FBRSL1: variants seen among roughly 807,000 people sequenced by gnomAD.
The protein encoded by FBRSL1 is fibrosin-1-like protein.
Under a neutral mutation model 89.6 loss-of-function variants are expected in FBRSL1, and 51 were observed. That is an observed-to-expected ratio of 0.57 (90% CI 0.45 to 0.72). FBRSL1 has a LOEUF of 0.72. FBRSL1 is among the 30% of genes least tolerant of loss of function. The probability of loss-of-function intolerance (pLI) is 0.00; values close to 1 mark genes in which losing one functional copy is unlikely to be tolerated. For synonymous variants in FBRSL1, 779 were observed against 681.1 expected (o/e 1.14, Z -2.24); for missense variants, 1,618 against 1,451.8 (o/e 1.11, Z -1.86).
chr12:132,583,643 C>T lies in FBRSL1; in HGVS notation c.2874C>T (p.Pro958=), dbSNP rs936589449. 1.1e-4 allele frequency: 111 copies of T among 1,014,918 alleles called. No individual in the cohort carries two copies. The South Asian group carries it at 3.3e-3, about 30-fold the overall frequency. The allele number at this position is 1,014,918 out of a possible 1,614,324, so 62.9% of individuals were successfully genotyped here. The change falls in exon 19 of 19, where the codon CCC becomes CCT. Residue 958 remains proline, a synonymous_variant. Transcript: ENST00000680143. ...CCGCCGCCCTCGGCGCACCGCCCCC[C>T]CTGGTGACGGCGGCCGGGCCCCCCA... ...PAAAALGAPP[P]LVTAAGPPTP...
At chr12:132,522,927 TA>T (rs555705068) in intron 2 of FBRSL1, among the ~76,000 whole-genome samples, 164 of 152,160 alleles carry the variant, frequency 1.1e-3, no homozygotes, top group African/African-American at 2.5e-3. Context: ...TTTGTCACTC[TA>T]GGGGGGGCAG....
rs2030682054 is a variant in FBRSL1 at position 132,490,638 on chromosome 12, C to T, written c.68C>T (p.Ala23Val). ...AQRDRGRRRE[A>V]ARDARAQSPS... ...CGGGACCGTGGCCGGCGCCGGGAGG[C>T]CGCCCGCGACGCCCGCGCCCAGAGT... The change falls in exon 1 of 19, where the codon GCC (alanine) becomes GTC (valine). Residue 23 changes from alanine (A) to valine (V), a missense_variant. Physicochemically the swap from Ala to Val is moderately conservative, Grantham distance 64 (BLOSUM62 0). Coordinates refer to ENST00000680143, the MANE Select transcript of FBRSL1 (RefSeq NM_001367871.1). The T allele has an allele frequency of 1.1e-5, 11 of 983,708 alleles. No homozygotes were observed. Among genetic ancestry groups the T allele is most frequent in the African/African-American group, 1.8e-5 (1 of 56,682 alleles). The allele number at this position is 983,708 out of a possible 1,614,324, so 60.9% of individuals were successfully genotyped here.
chr12:132,520,716 A>G (rs570980850), intron 2 of FBRSL1, among the ~76,000 whole-genome samples: 1 of 152,276 alleles, frequency 6.6e-6, no homozygotes, highest in African/African-American at 2.4e-5. Flanking sequence ...GGGGCCCCAG[A>G]GTCGGGCTCT....
At chr12:132,533,519 G>A (rs1361056119) in intron 4 of FBRSL1, among the ~76,000 whole-genome samples, 1 of 152,284 alleles carries the variant, frequency 6.6e-6, no homozygotes, top group East Asian at 1.9e-4. Flanking sequence ...GCATAGAAGG[G>A]TCTTTCAGGC....
intron 2 of FBRSL1, among the ~76,000 whole-genome samples, chr12:132,514,122 T>G (rs888323021): frequency 6.6e-6 from 1 of 152,212 alleles, no homozygotes; most frequent in African/African-American, 2.4e-5. Flanking sequence ...TCCGCCTCTG[T>G]TCTCGCGTCA....
intron 2 of FBRSL1, chr12:132,509,205 T>C: frequency 8.0e-7 from 1 of 1,248,386 alleles, no homozygotes; most frequent in Non-Finnish European, 1.0e-6. Flanking sequence ...AGCCAGCCAC[T>C]GGGACCAGAA....
chr12:132,581,137 T>G, intron 15 of FBRSL1: 2 of 985,468 alleles, frequency 2.0e-6, no homozygotes, highest in African/African-American at 1.7e-5. Flanking sequence ...ACTTGGACTT[T>G]GTCTCTGCCC....
At chr12:132,514,821 A>G (rs1284055595) in intron 2 of FBRSL1, among the ~76,000 whole-genome samples, 1 of 152,232 alleles carries the variant, frequency 6.6e-6, no homozygotes, top group East Asian at 1.9e-4. Context: ...AGTTAAGAAG[A>G]AATAAGTAAA....
intron 1 of FBRSL1, 58 bp from the exon 2 acceptor site, chr12:132,508,095 C>G: frequency 2.7e-6 from 4 of 1,458,918 alleles, no homozygotes; most frequent in Non-Finnish European, 3.7e-6. Context: ...GGGTGCTGTC[C>G]TGGGCCCAAG....
intron 15 of FBRSL1, 83 bp downstream of exon 15, chr12:132,577,014 G>C: frequency 6.7e-7 from 1 of 1,488,316 alleles, no homozygotes; most frequent in Non-Finnish European, 9.0e-7. Flanking sequence ...TGCCAGGAGT[G>C]AGAGCGCTCT....
At chr12:132,492,875 C>T (rs907042748) in intron 1 of FBRSL1, among the ~76,000 whole-genome samples, 2 of 152,268 alleles carry the variant, frequency 1.3e-5, no homozygotes, top group African/African-American at 4.8e-5. Flanking sequence ...CCATACGTGT[C>T]TCTTGGTTGT....
Position 132,490,803 on chromosome 12 carries a change from A to T in FBRSL1, c.233A>T (p.Glu78Val). 7.3e-7 allele frequency: 1 copy of T among 1,375,082 alleles called. No homozygotes were observed. Among genetic ancestry groups the T allele is most frequent in the Non-Finnish European group, 9.4e-7 (1 of 1,058,946 alleles). The allele number at this position is 1,375,082 out of a possible 1,614,324, so 85.2% of individuals were successfully genotyped here. A position where few individuals can be genotyped will look rare whatever the true frequency, so the allele number is the denominator to read the frequency against. Residue 78 changes from glutamate (E) to valine (V), a missense_variant, in exon 1 of 19, where the codon GAG (glutamate) becomes GTG (valine). Physicochemically the swap from Glu to Val is moderately radical, Grantham distance 121. Transcript: ENST00000680143. Reference sequence around the variant, plus strand: ...CGCCGCCGCGAGTCCAGCTCGCAGGAGGAGGAGGTCATCGACGGCTTCGCC... The same window carrying T: ...CGCCGCCGCGAGTCCAGCTCGCAGGTGGAGGAGGTCATCGACGGCTTCGCC... ...RRRRRESSSQ[E>V]EEVIDGFAIA...
Position 132,583,501 on chromosome 12 carries a change from C to A in FBRSL1, c.2732C>A (p.Pro911Gln). 9.6e-7 allele frequency: 1 copy of A among 1,043,486 alleles called. No individual in the cohort carries two copies. Among genetic ancestry groups the A allele is most frequent in the Non-Finnish European group, 1.2e-6 (1 of 867,014 alleles). The allele number at this position is 1,043,486 out of a possible 1,614,324, so 64.6% of individuals were successfully genotyped here. A position where few individuals can be genotyped will look rare whatever the true frequency, so the allele number is the denominator to read the frequency against. ...GAGCGCGCGCGGGCCCCGCACCTGC[C>A]GCCCGCCGCCCCCGCCTTGGACGGC... is the stretch of plus-strand genomic sequence containing the variant. ...ELERARAPHL[P>Q]PAAPALDGAL... is the part of the protein sequence containing the mutation. Residue 911 changes from proline to glutamine, a missense_variant, in exon 19 of 19, where the codon CCG (proline) becomes CAG (glutamine). Transcript: ENST00000680143.
intron 8 of FBRSL1, 24 bp downstream of exon 8, chr12:132,570,564 G>A (rs866779338): frequency 2.8e-5 from 41 of 1,479,598 alleles, no homozygotes; most frequent in African/African-American, 2.7e-4. Flanking sequence ...CCACAATCTC[G>A]CCCAGGGCAG....
chr12:132,572,538 C>T lies in FBRSL1; in HGVS notation c.1446C>T (p.Ser482=). ...FRHSSVSFFP[S]FPPAIPGLPT... is the part of the protein sequence containing the mutation. The stretch of plus-strand genomic sequence containing the variant: ...TCCTTCTCTTACAGTTCTTCCCGTC[C>T]TTCCCTCCTGCCATCCCGGGACTGC... The change falls in exon 11 of 19, where the codon TCC becomes TCT. Residue 482 remains serine, a synonymous_variant. Coordinates refer to ENST00000680143, the MANE Select transcript of FBRSL1 (RefSeq NM_001367871.1). The T allele has an allele frequency of 1.3e-6, 2 of 1,551,160 alleles. No homozygotes were observed. Among genetic ancestry groups the T allele is most frequent in the Non-Finnish European group, 1.7e-6 (2 of 1,146,584 alleles).
At chr12:132,528,821 G>A (rs904324432) in intron 4 of FBRSL1, among the ~76,000 whole-genome samples, 7 of 152,014 alleles carry the variant, frequency 4.6e-5, no homozygotes, top group Non-Finnish European at 8.8e-5. Context: ...GTGGGTACAC[G>A]GGTGTGTTTC....
rs142425908 is a variant in FBRSL1 at position 132,557,044 on chromosome 12, C to T, written c.645+9012C>T. On this transcript the variant is annotated intron_variant, in intron 5 of 18. Coordinates refer to ENST00000680143, the MANE Select transcript of FBRSL1 (RefSeq NM_001367871.1). ...CCCCAGGGTGGTTTCCAGGGCGATC[C>T]GGTGTCCTGGGGTGGCTGGGGCAGC... 1.7e-3 allele frequency among the ~76,000 whole-genome samples: 265 copies of T among 152,322 alleles called. 1 individual carries two copies. The highest frequency in any genetic ancestry group is 2.5e-4 in the Non-Finnish European group (17 of 68,026).
intron 5 of FBRSL1, among the ~76,000 whole-genome samples, chr12:132,559,694 C>T (rs1166661089): frequency 6.6e-6 from 1 of 152,208 alleles, no homozygotes; most frequent in Non-Finnish European, 1.5e-5. Flanking sequence ...CCACCGCGCC[C>T]GGCTGTCGCC....
At chr12:132,500,572 C>A (rs1403061906) in intron 1 of FBRSL1, among the ~76,000 whole-genome samples, 6 of 152,120 alleles carry the variant, frequency 3.9e-5, no homozygotes, top group Non-Finnish European at 7.4e-5. Context: ...CCTGTCCTGG[C>A]CCCTCCACCC....
Sources: allele counts gnomAD v4.1 joint callset (sites outside exome capture counted in the v4.1 genomes callset), GRCh38; gene constraint gnomAD v4.1.1; transcripts MANE v1.5; gene names NCBI Gene and HGNC (gene_info 2026-07-23, HGNC 2026-07-21).